FAM135B: variants seen among roughly 807,000 people sequenced by gnomAD.
FAM135B encodes family with sequence similarity 135 member B, also known as protein FAM135B.
A neutral mutation model predicts 127.7 loss-of-function variants in FAM135B; 43 were observed. The observed-to-expected ratio is 0.34, with a 90% CI of 0.26 to 0.43. The LOEUF (loss-of-function observed/expected upper bound fraction) is 0.43, where lower values mean the gene tolerates loss of function less well. FAM135B is among the 20% of genes least tolerant of loss of function. The pLI is 1.00. For missense variants in FAM135B, 1,558 were observed against 1,725.6 expected (o/e 0.90, Z 1.72); for synonymous variants, 670 against 665.1 (o/e 1.01, Z -0.11).
intron 4 of FAM135B, among the ~76,000 whole-genome samples, chr8:138,258,372 A>G (rs553081923): frequency 6.6e-6 from 1 of 152,276 alleles, no homozygotes; most frequent in South Asian, 2.1e-4. Context: ...AAAATTTGTT[A>G]TTTAAAAAAA....
At chr8:138,469,973 A>C (rs987082858) in intron 1 of FAM135B, among the ~76,000 whole-genome samples, 1 of 152,232 alleles carries the variant, frequency 6.6e-6, no homozygotes, top group Admixed American at 6.5e-5. Context: ...TGTGGTGGCC[A>C]GTGGGCTAGG....
At chr8:138,479,833 A>C (rs1587549861) in intron 1 of FAM135B, among the ~76,000 whole-genome samples, 1 of 152,178 alleles carries the variant, frequency 6.6e-6, no homozygotes, top group East Asian at 1.9e-4. Context: ...TCTTGCTTCA[A>C]AATTACATAG....
chr8:138,425,118 T>C (rs997687157), intron 1 of FAM135B, among the ~76,000 whole-genome samples: 3 of 152,208 alleles, frequency 2.0e-5, no homozygotes, highest in Non-Finnish European at 4.4e-5. Flanking sequence ...GCTACCATAA[T>C]GTGTACAAGC....
At chr8:138,392,825 G>A (rs1366314235) in intron 1 of FAM135B, among the ~76,000 whole-genome samples, 3 of 152,090 alleles carry the variant, frequency 2.0e-5, no homozygotes, top group Non-Finnish European at 4.4e-5. Flanking sequence ...CTCTATCCCT[G>A]TACTTCCACT....
intron 1 of FAM135B, among the ~76,000 whole-genome samples, chr8:138,370,537 G>A (rs1374094040): frequency 2.6e-5 from 4 of 151,848 alleles, no homozygotes; most frequent in African/African-American, 4.8e-5. Flanking sequence ...CTGCAAGCTC[G>A]CCTCCCCAGT....
chr8:138,370,390 C>T (rs997513972), intron 1 of FAM135B, among the ~76,000 whole-genome samples: 1 of 152,022 alleles, frequency 6.6e-6, no homozygotes, highest in African/African-American at 2.4e-5. Context: ...GCATTATAAC[C>T]AAACACCCAT....
chr8:138,462,085 T>C (rs533031122), intron 1 of FAM135B, among the ~76,000 whole-genome samples: 3 of 152,260 alleles, frequency 2.0e-5, no homozygotes, highest in Admixed American at 1.3e-4. Context: ...AATCCATCAA[T>C]GTAAATACTT....
Position 138,488,081 on chromosome 8 carries a change from T to C in FAM135B, c.-20+8590A>G, listed in dbSNP as rs189099206. Among the ~76,000 whole-genome samples the C allele has an allele frequency of 1.3e-3, 205 of 151,876 alleles. 2 individuals carry two copies. The highest frequency in any genetic ancestry group is 4.8e-3 in the African/African-American group (199 of 41,446). ...GGGGAGGTCATCCCTAGGGGGCAGGTGTCCAGCAGCAAGCAACCAGCCTAC... is the reference window on the plus strand; with the variant it reads ...GGGGAGGTCATCCCTAGGGGGCAGGCGTCCAGCAGCAAGCAACCAGCCTAC... On this transcript the variant is annotated intron_variant, in intron 1 of 19. Coordinates refer to ENST00000395297, the MANE Select transcript of FAM135B (RefSeq NM_015912.4).
At chr8:138,479,869 A>G (rs1190086909) in intron 1 of FAM135B, among the ~76,000 whole-genome samples, 1 of 152,220 alleles carries the variant, frequency 6.6e-6, no homozygotes, top group East Asian at 1.9e-4. Flanking sequence ...ATACAAAAGA[A>G]CACAAAAACC....
intron 12 of FAM135B, 149 bp from the exon 13 acceptor site, chr8:138,153,365 C>T: frequency 1.6e-6 from 1 of 607,708 alleles, no homozygotes; most frequent in Non-Finnish European, 2.8e-6. Context: ...CTACAGCTCC[C>T]AGTGTGAGCG....
intron 3 of FAM135B, among the ~76,000 whole-genome samples, chr8:138,300,768 T>TA (rs386414181): frequency 6.8e-6 from 1 of 147,526 alleles, no homozygotes; most frequent in Non-Finnish European, 1.5e-5. Context: ...TTTTTTTTTT[T>TA]AGAGACTGAG....
At chr8:138,229,658 T>A (rs561734127) in intron 7 of FAM135B, among the ~76,000 whole-genome samples, 7 of 152,296 alleles carry the variant, frequency 4.6e-5, no homozygotes, top group Non-Finnish European at 8.8e-5. Context: ...TCTGTATTAG[T>A]CTGTTCTCAT....
chr8:138,210,497 G>C (rs970869768), intron 7 of FAM135B, among the ~76,000 whole-genome samples: 2 of 152,082 alleles, frequency 1.3e-5, no homozygotes, highest in Admixed American at 1.3e-4. Flanking sequence ...ATGACTGGGG[G>C]GACTCAGGAA....
chr8:138,436,657 T>A (rs982766944), intron 1 of FAM135B, among the ~76,000 whole-genome samples: 1 of 152,214 alleles, frequency 6.6e-6, no homozygotes, highest in Non-Finnish European at 1.5e-5. Context: ...GGTGGGCATA[T>A]TTGATTCTGA....
intron 1 of FAM135B, among the ~76,000 whole-genome samples, chr8:138,412,535 T>C (rs566398624): frequency 6.6e-6 from 1 of 152,320 alleles, no homozygotes; most frequent in South Asian, 2.1e-4. Flanking sequence ...AGGTGACCAG[T>C]CTTGCTTGGG....
At chr8:138,156,639 C>A (rs1399494020) in intron 12 of FAM135B, among the ~76,000 whole-genome samples, 1 of 152,094 alleles carries the variant, frequency 6.6e-6, no homozygotes, top group Admixed American at 6.5e-5. Context: ...CACAGAAATA[C>A]AAACTACCAT....
intron 3 of FAM135B, among the ~76,000 whole-genome samples, chr8:138,291,975 A>C (rs1470118553): frequency 6.6e-6 from 1 of 152,120 alleles, no homozygotes; most frequent in Non-Finnish European, 1.5e-5. Context: ...GGAAGAGGTA[A>C]AGTTGTTTCT....
At chr8:138,234,952 C>T (rs562548908) in intron 7 of FAM135B, among the ~76,000 whole-genome samples, 1 of 152,308 alleles carries the variant, frequency 6.6e-6, no homozygotes, top group East Asian at 1.9e-4. Flanking sequence ...CCATAGGCCT[C>T]CTTCATCCAT....
chr8:138,186,461 G>A (rs12681489), intron 9 of FAM135B, among the ~76,000 whole-genome samples: 20,803 of 152,116 alleles, frequency 0.14, 1,445 homozygotes, highest in African/African-American at 0.16. Flanking sequence ...AGGAGTGGGG[G>A]AGACCAGGAG....
Sources: allele counts gnomAD v4.1 joint callset (sites outside exome capture counted in the v4.1 genomes callset), GRCh38; gene constraint gnomAD v4.1.1; transcripts MANE v1.5; gene names NCBI Gene and HGNC (gene_info 2026-07-23, HGNC 2026-07-21).